PCBP3: variants seen among roughly 807,000 people sequenced by gnomAD.
PCBP3 encodes poly(rC)-binding protein 3.
In PCBP3, 25 loss-of-function variants were observed where a neutral mutation model predicts 52.7. That is an observed-to-expected ratio of 0.47 (90% CI 0.35 to 0.66). PCBP3 has a LOEUF of 0.66. PCBP3 is among the 30% of genes least tolerant of loss of function. PCBP3 has a pLI of 0.01. For missense variants in PCBP3, 391 were observed against 490.3 expected, an observed-to-expected ratio of 0.80 and a Z score of 1.91; for synonymous variants, 162 against 183.0, an observed-to-expected ratio of 0.89 and a Z score of 0.93.
intron 4 of PCBP3, among the ~76,000 whole-genome samples, chr21:45,774,314 G>T (rs1213564723): frequency 6.6e-6 from 1 of 151,726 alleles, no homozygotes; most frequent in Admixed American, 6.6e-5. Context: ...GGCTGAGGCA[G>T]GAGAGTCCCT....
In PCBP3 at chr21:45,653,224, G is replaced by A. The variant is rs946246434; in HGVS notation, c.-279+9356G>A. On this transcript the variant is annotated intron_variant, in intron 1 of 17. Transcript: ENST00000681687. ...GTGCCTGGAAATAATTGGGTTCAAT[G>A]TACTATACTAAATATTCTGTTTAGC... Among the ~76,000 whole-genome samples the A allele has an allele frequency of 3.9e-5, 6 of 152,106 alleles. 1 individual carries two copies. Among genetic ancestry groups the A allele is most frequent in the Admixed American group, 2.0e-4 (3 of 15,276 alleles).
At chr21:45,858,143 C>T (rs2094375232) in intron 5 of PCBP3, among the ~76,000 whole-genome samples, 1 of 152,214 alleles carries the variant, frequency 6.6e-6, no homozygotes, top group South Asian at 2.1e-4. Flanking sequence ...TCTTAATCCG[C>T]TCAGAGGTTT....
At chr21:45,834,098 C>A (rs1473631481) in intron 4 of PCBP3, among the ~76,000 whole-genome samples, 1 of 151,978 alleles carries the variant, frequency 6.6e-6, no homozygotes, top group Non-Finnish European at 1.5e-5. Flanking sequence ...CTGGCCAGCA[C>A]CCCCACAGGC....
At chr21:45,899,524 G>A (rs564575124) in intron 6 of PCBP3, 75 bp from the exon 7 acceptor site, 38 of 1,159,912 alleles carry the variant, frequency 3.3e-5, no homozygotes, top group Middle Eastern at 1.9e-4. Flanking sequence ...GGCAGGTTTC[G>A]GTAGTGTCTG....
At chr21:45,650,678 C>T (rs1167817344) in intron 1 of PCBP3, among the ~76,000 whole-genome samples, 3 of 152,144 alleles carry the variant, frequency 2.0e-5, no homozygotes, top group Non-Finnish European at 2.9e-5. Context: ...TGGTCTTCAA[C>T]TCCTGGGCTC....
intron 2 of PCBP3, among the ~76,000 whole-genome samples, chr21:45,692,605 T>G (rs371287888): frequency 1.1e-4 from 16 of 152,146 alleles, no homozygotes; most frequent in Middle Eastern, 3.4e-3. Context: ...CAAAAAGAAA[T>G]AAATAACCTG....
At position 45,940,214 on chromosome 21, in the gene PCBP3, A is replaced by T; in HGVS notation, c.1079+15A>T. On this transcript the variant is annotated intron_variant, in intron 17 of 17. Transcript: ENST00000681687. The stretch of plus-strand genomic sequence containing the variant: ...ATCAACGCCAGGTGAGCATCTCCCA[A>T]GGGTCTCTGAGAGACGCCCGGAAAG... 6.3e-7 allele frequency: 1 copy of T among 1,594,020 alleles called. No homozygotes were observed.
intron 15 of PCBP3, among the ~76,000 whole-genome samples, chr21:45,934,745 G>T (rs1280734348): frequency 2.0e-5 from 3 of 152,230 alleles, no homozygotes; most frequent in Non-Finnish European, 4.4e-5. Context: ...GAGGCCGGGG[G>T]GTGTCACAGG....
intron 4 of PCBP3, among the ~76,000 whole-genome samples, chr21:45,798,172 TAGAG>T (rs1034636330): frequency 6.7e-5 from 10 of 149,534 alleles, no homozygotes; most frequent in African/African-American, 2.2e-4. Context: ...CATGGATCCA[TAGAG>T]AGAGTGAATG....
intron 4 of PCBP3, among the ~76,000 whole-genome samples, chr21:45,815,007 GTGAGTGA>G (rs2147168150): frequency 1.6e-5 from 2 of 124,158 alleles, no homozygotes; most frequent in Non-Finnish European, 1.7e-5. Context: ...TGAGTGAGTG[GTGAGTGA>G]TGAGTGAGTG....
At chr21:45,862,237 A>G (rs2094540064) in intron 5 of PCBP3, among the ~76,000 whole-genome samples, 1 of 152,126 alleles carries the variant, frequency 6.6e-6, no homozygotes, top group Non-Finnish European at 1.5e-5. Context: ...TTACATTATT[A>G]GTTACTGTAA....
intron 4 of PCBP3, among the ~76,000 whole-genome samples, chr21:45,815,918 A>C (rs1283564807): frequency 1.1e-5 from 1 of 88,332 alleles, no homozygotes; most frequent in African/African-American, 4.9e-5. Context: ...GTGGTGAGTG[A>C]TGAGTGAGTG....
At chr21:45,700,816 T>C (rs936528625) in intron 2 of PCBP3, among the ~76,000 whole-genome samples, 1 of 152,198 alleles carries the variant, frequency 6.6e-6, no homozygotes, top group Non-Finnish European at 1.5e-5. Context: ...AGAGAGCTGC[T>C]GTGGCTCCAG....
intron 4 of PCBP3, among the ~76,000 whole-genome samples, chr21:45,809,909 G>T (rs2092631866): frequency 6.6e-6 from 1 of 152,218 alleles, no homozygotes; most frequent in African/African-American, 2.4e-5. Flanking sequence ...CTGTGATTAT[G>T]CCATGTTACT....
chr21:45,692,560 G>A lies in PCBP3; in HGVS notation c.-200+23608G>A, dbSNP rs2082547312. On this transcript the variant is annotated intron_variant, in intron 2 of 17. Coordinates refer to ENST00000681687, the MANE Select transcript of PCBP3 (RefSeq NM_001384156.1). ...TGGTCGAATTCCTTGAAAGACTAAA[G>A]CTCATTCAAAACAACGAAGCAATTA... is the stretch of plus-strand genomic sequence containing the variant. Among the ~76,000 whole-genome samples, 2 of 152,240 alleles carry A rather than the reference G, an allele frequency of 1.3e-5. 1 individual carries two copies. Among genetic ancestry groups the A allele is most frequent in the South Asian group, 4.1e-4 (2 of 4,822 alleles).
intron 4 of PCBP3, among the ~76,000 whole-genome samples, chr21:45,767,600 C>T (rs1345680201): frequency 2.6e-5 from 4 of 152,214 alleles, no homozygotes; most frequent in Non-Finnish European, 5.9e-5. Context: ...ACCACCAGAC[C>T]GTTTTCCACA....
At chr21:45,683,929 A>G (rs960120725) in intron 2 of PCBP3, among the ~76,000 whole-genome samples, 7 of 151,872 alleles carry the variant, frequency 4.6e-5, no homozygotes, top group Non-Finnish European at 1.0e-4. Flanking sequence ...ATCTCAAAAA[A>G]AAAATAAAAA....
In PCBP3 at chr21:45,885,064, G is replaced by A. The variant is rs1027611966; in HGVS notation, c.11-11144G>A. Among the ~76,000 whole-genome samples the A allele has an allele frequency of 9.9e-5, 15 of 152,148 alleles. 1 individual carries two copies. Among genetic ancestry groups the A allele is most frequent in the African/African-American group, 3.1e-4 (13 of 41,496 alleles). Reference sequence around the variant, plus strand: ...TTCATCATTATTTCATTTCTGTTTAGAGGACTTAGGCCTTCTCCCAGCGTA... The same window carrying A: ...TTCATCATTATTTCATTTCTGTTTAAAGGACTTAGGCCTTCTCCCAGCGTA... On this transcript the variant is annotated intron_variant, in intron 5 of 17. Transcript: ENST00000681687.
chr21:45,818,310 C>T (rs891978368), intron 4 of PCBP3, among the ~76,000 whole-genome samples: 20 of 152,132 alleles, frequency 1.3e-4, no homozygotes, highest in African/African-American at 4.1e-4. Context: ...TGTGAGCCAC[C>T]GCGCCGGCCT....
Sources: gnomAD v4.1 joint callset for allele counts (sites outside exome capture counted in the v4.1 genomes callset) on GRCh38, gnomAD v4.1.1 for gene constraint, MANE v1.5 for transcripts, NCBI Gene and HGNC (gene_info 2026-07-23, HGNC 2026-07-21) for gene names.